The following CHD9 variants were observed in gnomAD, a reference collection of about 807,000 sequenced individuals.
CHD9 encodes chromodomain helicase DNA binding protein 9, also known as ATP-dependent chromatin remodeler CHD9.
Under a neutral mutation model 316.1 loss-of-function variants are expected in CHD9, and 77 were observed. The ratio of observed to expected loss-of-function variants is 0.24; its 90% confidence interval spans 0.20 to 0.29. The LOEUF is 0.29. Ranked by LOEUF, CHD9 falls within the 10% of genes least tolerant of loss-of-function variation. The pLI is 1.00. For synonymous variants in CHD9, 1,129 were observed against 1,158.3 expected (o/e 0.97, Z 0.51); for missense variants, 2,763 against 3,438.1 (o/e 0.80, Z 4.91).
At chr16:53,185,302 A>G (rs2043890288) in intron 2 of CHD9, among the ~76,000 whole-genome samples, 1 of 152,172 alleles carries the variant, frequency 6.6e-6, no homozygotes, top group Non-Finnish European at 1.5e-5. Flanking sequence ...TCTCAGATGG[A>G]GATGGGCAGA....
intron 2 of CHD9, among the ~76,000 whole-genome samples, chr16:53,207,477 A>G (rs1181731675): frequency 6.6e-6 from 1 of 152,200 alleles, no homozygotes; most frequent in Non-Finnish European, 1.5e-5. Flanking sequence ...TCATTTGTTC[A>G]TTTCAAAATT....
intron 10 of CHD9, among the ~76,000 whole-genome samples, chr16:53,232,842 T>C (rs951008625): frequency 6.6e-6 from 1 of 152,200 alleles, no homozygotes; most frequent in East Asian, 1.9e-4. Flanking sequence ...CAATAACCAG[T>C]CCTGTTCTCA....
chr16:53,179,349 A>G (rs980915125), intron 2 of CHD9, among the ~76,000 whole-genome samples: 8 of 151,682 alleles, frequency 5.3e-5, no homozygotes, highest in Non-Finnish European at 8.8e-5. Flanking sequence ...CACTTAAAAT[A>G]TCAGCTCTCT....
chr16:53,288,200 C>T (rs1224164360), intron 27 of CHD9, among the ~76,000 whole-genome samples, 186 bp downstream of exon 27: 1 of 152,192 alleles, frequency 6.6e-6, no homozygotes, highest in Non-Finnish European at 1.5e-5. Flanking sequence ...TTCACCTGAT[C>T]TCCCCTTTTA....
At chr16:53,215,480 G>T (rs549283622) in intron 3 of CHD9, among the ~76,000 whole-genome samples, 2 of 152,230 alleles carry the variant, frequency 1.3e-5, no homozygotes, top group South Asian at 4.1e-4. Flanking sequence ...ATGAGTTTAA[G>T]CTTGGGGTCT....
intron 24 of CHD9, among the ~76,000 whole-genome samples, chr16:53,281,831 C>T (rs1307354130): frequency 2.0e-5 from 3 of 152,194 alleles, no homozygotes; most frequent in Admixed American, 1.3e-4. Context: ...TCAAGTATTT[C>T]CTTCTCAGAT....
At chr16:53,297,188 C>T (rs748821787) in intron 30 of CHD9, 30 bp downstream of exon 30, 46 of 1,547,986 alleles carry the variant, frequency 3.0e-5, no homozygotes, top group East Asian at 6.8e-5. Context: ...TTCCTGGTTT[C>T]GGTCAAAGAA....
intron 1 of CHD9, among the ~76,000 whole-genome samples, chr16:53,105,822 CTTT>C (rs200467105): frequency 2.2e-5 from 3 of 136,834 alleles, no homozygotes; most frequent in Admixed American, 7.4e-5. Flanking sequence ...ATGATAAGAA[CTTT>C]TTTTTTTTTT....
intron 22 of CHD9, among the ~76,000 whole-genome samples, chr16:53,270,623 T>G (rs2052160961): frequency 1.3e-5 from 2 of 152,170 alleles, no homozygotes; most frequent in Non-Finnish European, 2.9e-5. Flanking sequence ...AATGGGACTG[T>G]TGTATATACT....
At chr16:53,166,358 G>GAAAA (rs2042268473) in intron 2 of CHD9, among the ~76,000 whole-genome samples, 1 of 152,064 alleles carries the variant, frequency 6.6e-6, no homozygotes, top group Admixed American at 6.5e-5. Context: ...CAGGAGTGTG[G>GAAAA]AAAACCCAGC....
intron 1 of CHD9, among the ~76,000 whole-genome samples, chr16:53,140,862 A>G (rs925163455): frequency 7.2e-5 from 11 of 152,234 alleles, no homozygotes; most frequent in African/African-American, 2.7e-4. Flanking sequence ...AGTGGAGATT[A>G]TGTTTTTAAG....
intron 11 of CHD9, among the ~76,000 whole-genome samples, chr16:53,237,920 A>T (rs188911551): frequency 7.6e-4 from 116 of 152,236 alleles, no homozygotes; most frequent in Non-Finnish European, 9.7e-4. Flanking sequence ...GTGATAGCAC[A>T]TTGCATGACT....
intron 36 of CHD9, among the ~76,000 whole-genome samples, chr16:53,315,593 C>T (rs1014221670): frequency 6.6e-6 from 1 of 152,114 alleles, no homozygotes; most frequent in Non-Finnish European, 1.5e-5. Flanking sequence ...ATTCTCCCAC[C>T]TCAGTCTCCT....
chr16:53,159,735 G>C (rs1289126897), intron 2 of CHD9, among the ~76,000 whole-genome samples: 1 of 152,086 alleles, frequency 6.6e-6, no homozygotes, highest in African/African-American at 2.4e-5. Context: ...TCAGCCTCCT[G>C]AGTAGCTGGG....
chr16:53,078,711 C>T (rs1017100258), intron 1 of CHD9, among the ~76,000 whole-genome samples: 2 of 152,286 alleles, frequency 1.3e-5, no homozygotes, highest in South Asian at 4.1e-4. Flanking sequence ...CTCCCTTGGT[C>T]CCTTAAAGAC....
chr16:53,238,295 A>T (rs777015473), intron 11 of CHD9, 48 bp from the exon 12 acceptor site: 1 of 1,473,438 alleles, frequency 6.8e-7, no homozygotes, highest in Admixed American at 2.2e-5. Context: ...TTTAAAGTAT[A>T]GAAAAAAAAC....
intron 38 of CHD9, among the ~76,000 whole-genome samples, chr16:53,323,044 G>C (rs776192333): frequency 6.6e-6 from 1 of 152,036 alleles, no homozygotes; most frequent in Non-Finnish European, 1.5e-5. Flanking sequence ...CCACTATCTA[G>C]AACTGCATTG....
intron 12 of CHD9, among the ~76,000 whole-genome samples, chr16:53,242,291 T>C (rs1004588056): frequency 6.6e-5 from 10 of 152,372 alleles, no homozygotes; most frequent in African/African-American, 2.4e-4. Flanking sequence ...ATTTTCTTAA[T>C]AACTATGTCC....
At chr16:53,292,808 A>T in intron 28 of CHD9, 25 bp from the exon 29 acceptor site, 1 of 1,539,134 alleles carries the variant, frequency 6.5e-7, no homozygotes, top group Non-Finnish European at 9.0e-7. Flanking sequence ...TTTAGTTATT[A>T]TTACTATTAC....
Sources: gnomAD v4.1 joint callset for allele counts (sites outside exome capture counted in the v4.1 genomes callset) on GRCh38, gnomAD v4.1.1 for gene constraint, MANE v1.5 for transcripts, NCBI Gene and HGNC (gene_info 2026-07-23, HGNC 2026-07-21) for gene names.